Variants in SLC24A3 observed in about 807,000 individuals in gnomAD.
SLC24A3 encodes the protein solute carrier family 24 member 3, also known as sodium/potassium/calcium exchanger 3.
Under a neutral mutation model 75.8 loss-of-function variants are expected in SLC24A3, and 28 were observed. The observed-to-expected ratio is 0.37, with a 90% CI of 0.27 to 0.51. The LOEUF (loss-of-function observed/expected upper bound fraction) is 0.51, where lower values mean the gene tolerates loss of function less well. Ranked by LOEUF, SLC24A3 falls within the 20% of genes least tolerant of loss-of-function variation. The pLI, the probability that SLC24A3 is intolerant of heterozygous loss-of-function variation, is 0.94. For missense variants in SLC24A3, 663 were observed against 847.8 expected (o/e 0.78, Z 2.71); for synonymous variants, 372 against 334.1 (o/e 1.11, Z -1.24).
intron 2 of SLC24A3, among the ~76,000 whole-genome samples, chr20:19,513,251 G>C (rs889559609): frequency 1.3e-5 from 2 of 152,236 alleles, no homozygotes; most frequent in African/African-American, 4.8e-5. Context: ...TAGGGGGGTG[G>C]CATGTGTGAG....
intron 9 of SLC24A3, among the ~76,000 whole-genome samples, chr20:19,676,987 A>G (rs142393013): frequency 2.0e-5 from 3 of 152,274 alleles, no homozygotes; most frequent in East Asian, 3.9e-4. Context: ...AATTTCTACT[A>G]TTATTATATA....
chr20:19,541,842 G>A (rs375115044), intron 3 of SLC24A3, among the ~76,000 whole-genome samples: 4 of 152,156 alleles, frequency 2.6e-5, no homozygotes, highest in Non-Finnish European at 4.4e-5. Context: ...ACACATTCTC[G>A]AGGTTTGCAC....
At chr20:19,655,416 T>C (rs1006785347) in intron 7 of SLC24A3, among the ~76,000 whole-genome samples, 3 of 152,158 alleles carry the variant, frequency 2.0e-5, no homozygotes, top group African/African-American at 7.2e-5. Context: ...GGTGAAAAAT[T>C]GGGAAGAACA....
At chr20:19,289,279 GT>G (rs1983884662) in intron 2 of SLC24A3, among the ~76,000 whole-genome samples, 1 of 152,122 alleles carries the variant, frequency 6.6e-6, no homozygotes, top group African/African-American at 2.4e-5. Context: ...AAGAGTAAAA[GT>G]TTACCCCCTA....
At chr20:19,674,653 G>A (rs2032503963) in intron 9 of SLC24A3, among the ~76,000 whole-genome samples, 2 of 152,214 alleles carry the variant, frequency 1.3e-5, no homozygotes, top group African/African-American at 2.4e-5. Flanking sequence ...CAAGGGGCTG[G>A]CATCACTTAG....
At chr20:19,219,537 A>C (rs1228362607) in intron 1 of SLC24A3, among the ~76,000 whole-genome samples, 1 of 152,174 alleles carries the variant, frequency 6.6e-6, no homozygotes, top group Non-Finnish European at 1.5e-5. Context: ...AGAGATCGGG[A>C]TGAGAAATAC....
At chr20:19,537,873 C>T (rs1304962593) in intron 3 of SLC24A3, among the ~76,000 whole-genome samples, 2 of 93,514 alleles carry the variant, frequency 2.1e-5, no homozygotes, top group Non-Finnish European at 4.2e-5. Flanking sequence ...CACCGGGGAC[C>T]GTTGTGGGGT....
chr20:19,336,153 C>G (rs1985127358), intron 2 of SLC24A3, among the ~76,000 whole-genome samples: 1 of 152,196 alleles, frequency 6.6e-6, no homozygotes, highest in Admixed American at 6.5e-5. Flanking sequence ...ACCAGCATTA[C>G]TGTGTATTTC....
chr20:19,378,061 G>A (rs1568603522), intron 2 of SLC24A3, among the ~76,000 whole-genome samples: 1 of 152,136 alleles, frequency 6.6e-6, no homozygotes, highest in African/African-American at 2.4e-5. Flanking sequence ...CCTGGCCCTT[G>A]GTCTAAACAT....
At chr20:19,684,974 T>C (rs546614212) in intron 11 of SLC24A3, 126 bp from the exon 12 acceptor site, 1 of 1,248,048 alleles carries the variant, frequency 8.0e-7, no homozygotes, top group African/African-American at 1.5e-5. Flanking sequence ...CCCTTAAAAC[T>C]TGACTCCAGG....
intron 3 of SLC24A3, among the ~76,000 whole-genome samples, chr20:19,546,734 A>G (rs1327805974): frequency 6.6e-6 from 1 of 152,012 alleles, no homozygotes; most frequent in Non-Finnish European, 1.5e-5. Flanking sequence ...TCATGGGAGT[A>G]AATCCAGAAC....
At chr20:19,596,598 C>T (rs1367328832) in intron 6 of SLC24A3, among the ~76,000 whole-genome samples, 2 of 152,148 alleles carry the variant, frequency 1.3e-5, no homozygotes, top group Admixed American at 1.3e-4. Context: ...TTCACTGGCC[C>T]TGCCCAACCT....
chr20:19,532,047 A>G (rs920903776), intron 3 of SLC24A3, among the ~76,000 whole-genome samples: 14 of 152,200 alleles, frequency 9.2e-5, no homozygotes, highest in Non-Finnish European at 1.6e-4. Flanking sequence ...ATGGGGCTCC[A>G]GTGTTCCAGT....
At chr20:19,562,737 C>G (rs1177611365) in intron 3 of SLC24A3, among the ~76,000 whole-genome samples, 2 of 152,206 alleles carry the variant, frequency 1.3e-5, no homozygotes, top group East Asian at 3.9e-4. Flanking sequence ...GATTGGGCCC[C>G]TAACCCACTG....
chr20:19,575,511 A>G (rs1239128903), intron 3 of SLC24A3, among the ~76,000 whole-genome samples: 2 of 152,218 alleles, frequency 1.3e-5, no homozygotes, highest in Non-Finnish European at 2.9e-5. Context: ...ATTCCCACTC[A>G]GAGGGTTCTA....
At chr20:19,658,431 G>C (rs2032289610) in intron 7 of SLC24A3, among the ~76,000 whole-genome samples, 1 of 152,220 alleles carries the variant, frequency 6.6e-6, no homozygotes, top group Non-Finnish European at 1.5e-5. Flanking sequence ...CACTCGGACG[G>C]AGACGTGGGG....
At chr20:19,263,033 TTGTGTGTGTGTGTGTGTG>T (rs11473481) in intron 1 of SLC24A3, among the ~76,000 whole-genome samples, 2 of 143,140 alleles carry the variant, frequency 1.4e-5, no homozygotes, top group Admixed American at 7.0e-5. Context: ...ACTCCAGCCT[TTGTGTGTGTGTGTGTGTG>T]TGTGTGTGTG....
intron 1 of SLC24A3, among the ~76,000 whole-genome samples, chr20:19,240,326 C>T (rs965645205): frequency 1.3e-5 from 2 of 152,182 alleles, no homozygotes; most frequent in African/African-American, 4.8e-5. Context: ...TTTGAAATAA[C>T]ATGCAGACCC....
intron 6 of SLC24A3, among the ~76,000 whole-genome samples, chr20:19,638,964 C>T (rs1216312954): frequency 1.3e-5 from 2 of 152,126 alleles, no homozygotes; most frequent in African/African-American, 4.8e-5. Flanking sequence ...AGACTCATTG[C>T]AAAGAGTGAA....
Sources: gnomAD v4.1 joint callset for allele counts (sites outside exome capture counted in the v4.1 genomes callset) on GRCh38, gnomAD v4.1.1 for gene constraint, MANE v1.5 for transcripts, NCBI Gene and HGNC (gene_info 2026-07-23, HGNC 2026-07-21) for gene names.